AMT: variants seen among roughly 807,000 people sequenced by gnomAD.
AMT encodes aminomethyltransferase, mitochondrial.
Under a neutral mutation model 39.5 loss-of-function variants are expected in AMT, and 24 were observed. That is an observed-to-expected ratio of 0.61 (90% CI 0.44 to 0.86). The LOEUF (loss-of-function observed/expected upper bound fraction) is 0.86. AMT is among the 40% of genes least tolerant of loss of function. The pLI, the probability that AMT is intolerant of heterozygous loss-of-function variation, is 0.00. For missense variants in AMT, 501 were observed against 537.0 expected, an observed-to-expected ratio of 0.93 and a Z score of 0.66; for synonymous variants, 210 against 212.1, an observed-to-expected ratio of 0.99 and a Z score of 0.09.
rs1369987983 is a variant in AMT, at chr3:49,422,218, T to C, written c.144A>G (p.Lys48=). 1.2e-6 allele frequency: 2 copies of C among 1,613,982 alleles called. No homozygotes were observed. The highest frequency in any genetic ancestry group is 1.1e-5 in the South Asian group (1 of 91,086). The change falls in exon 2 of 9, where the codon AAA becomes AAG. Residue 48 remains lysine (K), a synonymous_variant. Transcript: ENST00000273588. Reference sequence around the variant, plus strand: ...GACTCCAACCCGCAAACGCCACCATTTTCCCGCCGTGGGCCAGGTGGAAGT... The same window carrying C: ...GACTCCAACCCGCAAACGCCACCATCTTCCCGCCGTGGGCCAGGTGGAAGT... ...LYDFHLAHGG[K]MVAFAGWSLP...
Position 49,422,245 on chromosome 3 carries a change from A to G in AMT, c.117T>C (p.Tyr39=). ...TCCCGCCGTGGGCCAGGTGGAAGTCATAGAGCGGTGTCCTGCGGAGCACCT... is the reference window on the plus strand; with the variant it reads ...TCCCGCCGTGGGCCAGGTGGAAGTCGTAGAGCGGTGTCCTGCGGAGCACCT... ...AQEVLRRTPL[Y]DFHLAHGGKM... Residue 39 remains tyrosine, a synonymous_variant, in exon 2 of 9, where the codon TAT becomes TAC. Coordinates refer to ENST00000273588, the MANE Select transcript of AMT (RefSeq NM_000481.4). 6.2e-7 allele frequency: 1 copy of G among 1,614,062 alleles called. No homozygotes were observed. Among genetic ancestry groups the G allele is most frequent in the Non-Finnish European group, 8.5e-7 (1 of 1,179,996 alleles).
At position 49,422,178 on chromosome 3, in the gene AMT, G is replaced by A. The variant is rs779008890; in HGVS notation, c.184C>T (p.Arg62Trp). The A allele has an allele frequency of 1.1e-5, 17 of 1,613,870 alleles. No homozygotes were observed. Among genetic ancestry groups the A allele is most frequent in the Admixed American group, 3.3e-5 (2 of 60,008 alleles). Residue 62 changes from arginine (R) to tryptophan (W), a missense_variant, in exon 2 of 9, where the codon CGG (arginine) becomes TGG (tryptophan). Physicochemically the swap from Arg to Trp is moderately radical, Grantham distance 101 (BLOSUM62 -3). Coordinates refer to ENST00000273588, the MANE Select transcript of AMT (RefSeq NM_000481.4). The stretch of plus-strand genomic sequence containing the variant: ...AGGTGCGAGTCAGTGTGACTGTCCC[G>A]GTACTGCACTGGCAGACTCCAACCC... ...FAGWSLPVQY[R>W]DSHTDSHLHT...
Position 49,422,423 on chromosome 3 carries a change from G to C in AMT, c.28C>G (p.Arg10Gly), listed in dbSNP as rs774408322. Reference sequence around the variant, plus strand: ...AATGCCTGCAGGCGAAAGCCCAGACGGGCCACCACACTTACAGCCCTCTGC... The same window carrying C: ...AATGCCTGCAGGCGAAAGCCCAGACCGGCCACCACACTTACAGCCCTCTGC... MQRAVSVVA[R>G]LGFRLQAFPP... The change falls in exon 1 of 9, where the codon CGT (arginine) becomes GGT (glycine). Residue 10 changes from arginine (R) to glycine (G), a missense_variant. Coordinates refer to ENST00000273588, the MANE Select transcript of AMT (RefSeq NM_000481.4). The C allele has an allele frequency of 5.0e-6, 8 of 1,613,304 alleles. No individual in the cohort carries two copies. In the Admixed American group the frequency reaches 6.7e-5, roughly 13 times the overall value.
At chr3:49,421,314 T>G in intron 3 of AMT, 178 bp downstream of exon 3, 2 of 654,218 alleles carry the variant, frequency 3.1e-6, no homozygotes, top group South Asian at 3.4e-5. Flanking sequence ...GACTGGGATA[T>G]TCCCCTCCCT....
At position 49,417,836 on chromosome 3, in the gene AMT, T is replaced by C. The variant is rs776145886; in HGVS notation, c.1015A>G (p.Met339Val). Reference sequence around the variant, plus strand: ...CACCTACCAATCTTGGTACCCTCCATGTTCAGGATGGGACTGTGTGCCCGC... The same window carrying C: ...CACCTACCAATCTTGGTACCCTCCACGTTCAGGATGGGACTGTGTGCCCGC... Reference protein sequence around the residue: ...PMRAHSPILNMEGTKIGTVTS... With the variant: ...PMRAHSPILNVEGTKIGTVTS... Residue 339 changes from methionine to valine, a missense_variant, in exon 8 of 9, where the codon ATG becomes GTG. Transcript: ENST00000273588. 5.6e-6 allele frequency: 9 copies of C among 1,613,974 alleles called. No homozygotes were observed. The highest frequency in any genetic ancestry group is 7.6e-6 in the Non-Finnish European group (9 of 1,180,022).
Position 49,419,779 on chromosome 3 carries a change from T to C in AMT, c.481A>G (p.Arg161Gly). The C allele has an allele frequency of 6.2e-7, 1 of 1,614,138 alleles. No homozygotes were observed. The highest frequency in any genetic ancestry group is 8.5e-7 in the Non-Finnish European group (1 of 1,180,008). The change falls in exon 5 of 9, where the codon AGG (arginine) becomes GGG (glycine). Residue 161 changes from arginine (R) to glycine (G), a missense_variant. Arg to Gly is a moderately radical substitution (Grantham distance 125). Coordinates refer to ENST00000273588, the MANE Select transcript of AMT (RefSeq NM_000481.4). ...KDLALMQDKV[R>G]ELQNQGRDVG... ...TCTCTGCCCTGGTTCTGAAGCTCCC[T>C]GACCTTGTCCTAAAAGACAGAAACA... is the stretch of plus-strand genomic sequence containing the variant.
intron 2 of AMT, chr3:49,421,818 T>C: frequency 1.5e-6 from 1 of 674,500 alleles, no homozygotes; most frequent in Admixed American, 2.1e-5. Flanking sequence ...TAACCCCTTT[T>C]CAAACCAACA....
At chr3:49,418,249 C>T (rs1418632539) in intron 7 of AMT, 1 of 476,050 alleles carries the variant, frequency 2.1e-6, no homozygotes, top group Non-Finnish European at 3.8e-6. Flanking sequence ...GTGGCACGAT[C>T]TCAGCTCACT....
rs2049005880 is a variant in AMT, at chr3:49,416,795, G to A, written c.*745C>T. ...CTAGAGACTGGCAAGTAAGAAGGAA[G>A]TTTAATTTTTTTTTCAGGATTCAGT... On this transcript the variant is annotated 3_prime_UTR_variant, in exon 9 of 9. Transcript: ENST00000273588. 1 of 450,972 alleles carries A rather than the reference G, an allele frequency of 2.2e-6. No individual in the cohort carries two copies. Among genetic ancestry groups the A allele is most frequent in the Non-Finnish European group, 4.5e-6 (1 of 224,138 alleles). 27.9% of individuals were successfully genotyped at this position (450,972 alleles called of 1,614,324 possible). A position where few individuals can be genotyped will look rare whatever the true frequency, so the allele number is the denominator to read the frequency against.
chr3:49,418,003 C>T (rs2049029429), intron 7 of AMT, 30 bp from the exon 8 acceptor site: 2 of 1,586,544 alleles, frequency 1.3e-6, no homozygotes, highest in Admixed American at 1.8e-5. Flanking sequence ...ACATAAGCCA[C>T]AGCCCATAGA....
At position 49,420,201 on chromosome 3, in the gene AMT, G is replaced by T. The variant is rs775962957; in HGVS notation, c.471+10C>A. 2 of 1,614,172 alleles carry T rather than the reference G, an allele frequency of 1.2e-6. No homozygotes were observed. Among genetic ancestry groups the T allele is most frequent in the South Asian group, 2.2e-5 (2 of 91,078 alleles). ...GAAGACAAGGTGTCTAGAACACAGA[G>T]GGGGTATACCTGCATGAGGGCCAAA... On this transcript the variant is annotated intron_variant, in intron 4 of 8. Coordinates refer to ENST00000273588, the MANE Select transcript of AMT (RefSeq NM_000481.4).
At position 49,417,430 on chromosome 3, in the gene AMT, A is replaced by C; in HGVS notation, c.*110T>G. On this transcript the variant is annotated 3_prime_UTR_variant, in exon 9 of 9. Transcript: ENST00000273588. ...GTGGCCCCTCAACCAGACAATTAGA[A>C]TCAGCCTCCACCTTAACTGCCCACC... 1 of 1,612,712 alleles carries C rather than the reference A, an allele frequency of 6.2e-7. No homozygotes were observed. The highest frequency in any genetic ancestry group is 8.5e-7 in the Non-Finnish European group (1 of 1,179,852).
rs1435700298 is a variant in AMT, at chr3:49,417,080, A to G, written c.*460T>C. ...TCATTCCTGACTTGCAGTAAGGACA[A>G]TTTGCATTTACGGAAAGCAAACTGG... is the stretch of plus-strand genomic sequence containing the variant. On this transcript the variant is annotated 3_prime_UTR_variant, in exon 9 of 9. Transcript: ENST00000273588. 1 of 668,822 alleles carries G rather than the reference A, an allele frequency of 1.5e-6. No homozygotes were observed. 41.4% of individuals were successfully genotyped at this position (668,822 alleles called of 1,614,324 possible).
At position 49,417,660 on chromosome 3, in the gene AMT, A is replaced by G. The variant is rs764246902; in HGVS notation, c.1092T>C (p.Tyr364=). The change falls in exon 9 of 9, where the codon TAT becomes TAC. Residue 364 remains tyrosine, a synonymous_variant. Coordinates refer to ENST00000273588, the MANE Select transcript of AMT (RefSeq NM_000481.4). ...CTGGACGACTGTACTCGCAGGGCACATAACCCATCGCCACATTCTTCTTCA... is the reference window on the plus strand; with the variant it reads ...CTGGACGACTGTACTCGCAGGGCACGTAACCCATCGCCACATTCTTCTTCA... ...PSLKKNVAMG[Y]VPCEYSRPGT... 4 of 1,614,048 alleles carry G rather than the reference A, an allele frequency of 2.5e-6. No individual in the cohort carries two copies. In the East Asian group the frequency reaches 8.9e-5, roughly 36 times the overall value.
At position 49,417,889 on chromosome 3, in the gene AMT, A is replaced by G. The variant is rs766509002; in HGVS notation, c.962T>C (p.Val321Ala). ...GGGGGCCCCCTCACACATCAACCCCACACGCCTCCGCTGCACCCTGCCCTT... is the reference window on the plus strand; with the variant it reads ...GGGGGCCCCCTCACACATCAACCCCGCACGCCTCCGCTGCACCCTGCCCTT... ...QLKGRVQRRRVGLMCEGAPMR... is the reference protein window; with the variant it reads ...QLKGRVQRRRAGLMCEGAPMR... The change falls in exon 8 of 9, where the codon GTG (valine) becomes GCG (alanine). Residue 321 changes from valine (V) to alanine (A), a missense_variant. By Grantham distance (64) the Val-to-Ala change is moderately conservative. Coordinates refer to ENST00000273588, the MANE Select transcript of AMT (RefSeq NM_000481.4). 13 of 1,613,924 alleles carry G rather than the reference A, an allele frequency of 8.1e-6. No individual in the cohort carries two copies. The Admixed American group carries it at 2.2e-4, about 27-fold the overall frequency.
Position 49,420,725 on chromosome 3 carries a change from C to CT in AMT, c.340-384_340-383insA. The CT allele has an allele frequency of 9.1e-6, 3 of 328,254 alleles. No homozygotes were observed. The East Asian group carries it at 2.2e-4, about 25-fold the overall frequency. The allele number at this position is 328,254 out of a possible 1,614,324, so 20.3% of individuals were successfully genotyped here. A position where few individuals can be genotyped will look rare whatever the true frequency, so the allele number is the denominator to read the frequency against. ...AAGCTTCAAAGGTCATCTTGATGAT[C>CT]GCAGGCTCTCCTAAGTACTCCATAG... On this transcript the variant is annotated intron_variant, in intron 3 of 8. Transcript: ENST00000273588.
rs781380729 is a variant in AMT at position 49,417,272 on chromosome 3, C to T, written c.*268G>A. 2 of 1,597,220 alleles carry T rather than the reference C, an allele frequency of 1.3e-6. No individual in the cohort carries two copies. The highest frequency in any genetic ancestry group is 1.7e-6 in the Non-Finnish European group (2 of 1,177,738). On this transcript the variant is annotated 3_prime_UTR_variant, in exon 9 of 9. Coordinates refer to ENST00000273588, the MANE Select transcript of AMT (RefSeq NM_000481.4). ...ATGGCAGAACCAAAGCTTCTCATTA[C>T]CCTCCAGCAGGCAAGAGTAGGTCAG...
chr3:49,418,181 C>T (rs2049032501), intron 7 of AMT: 1 of 600,570 alleles, frequency 1.7e-6, no homozygotes, highest in Non-Finnish European at 2.9e-6. Context: ...CGAGCGTCTT[C>T]AGTTTCTTTT....
chr3:49,417,430 A>G lies in AMT; in HGVS notation c.*110T>C, dbSNP rs2049016878. 1.2e-6 allele frequency: 2 copies of G among 1,612,712 alleles called. No homozygotes were observed. ...GTGGCCCCTCAACCAGACAATTAGA[A>G]TCAGCCTCCACCTTAACTGCCCACC... On this transcript the variant is annotated 3_prime_UTR_variant, in exon 9 of 9. Coordinates refer to ENST00000273588, the MANE Select transcript of AMT (RefSeq NM_000481.4).
Sources: gnomAD v4.1 joint callset for allele counts on GRCh38, gnomAD v4.1.1 for gene constraint, MANE v1.5 for transcripts, NCBI Gene and HGNC (gene_info 2026-07-23, HGNC 2026-07-21) for gene names.